Variants in MOB3B observed in about 807,000 individuals in gnomAD.
MOB3B encodes MOB kinase activator-like 2B.
MOB3B carries 7 observed loss-of-function variants against 18.7 expected under a neutral mutation model. That is an observed-to-expected ratio of 0.37 (90% CI 0.21 to 0.70). MOB3B has a LOEUF of 0.70. Ranked by LOEUF, MOB3B falls within the 30% of genes least tolerant of loss-of-function variation. The probability of loss-of-function intolerance (pLI) is 0.52; values close to 1 mark genes in which losing one functional copy is unlikely to be tolerated. For missense variants in MOB3B, 253 were observed against 281.3 expected (o/e 0.90, Z 0.72); for synonymous variants, 111 against 99.9 (o/e 1.11, Z -0.66).
intron 3 of MOB3B, among the ~76,000 whole-genome samples, chr9:27,344,526 C>G (rs1821002564): frequency 1.3e-5 from 2 of 152,194 alleles, no homozygotes; most frequent in Admixed American, 6.5e-5. Flanking sequence ...CACTGAGCAC[C>G]TATGAAGATT....
intron 2 of MOB3B, among the ~76,000 whole-genome samples, chr9:27,365,392 G>A (rs1282683096): frequency 7.5e-6 from 1 of 133,940 alleles, no homozygotes; most frequent in African/African-American, 2.8e-5. Flanking sequence ...TTCAGGTAGT[G>A]AGAGTTAATT....
intron 2 of MOB3B, among the ~76,000 whole-genome samples, chr9:27,451,307 T>A (rs776364077): frequency 2.0e-5 from 3 of 152,222 alleles, no homozygotes; most frequent in Non-Finnish European, 1.5e-5. Context: ...CTTCAGAATT[T>A]ACTGCTCTTT....
In MOB3B at chr9:27,502,732, CTT is replaced by C. The variant is rs989125549; in HGVS notation, c.-199+26821_-199+26822del. Among the ~76,000 whole-genome samples, 61 of 152,350 alleles carry C rather than the reference CTT, an allele frequency of 4.0e-4. 1 individual carries two copies. The highest frequency in any genetic ancestry group is 1.5e-3 in the African/African-American group (61 of 41,574). On this transcript the variant is annotated intron_variant, in intron 1 of 3. Transcript: ENST00000262244. Reference sequence around the variant, plus strand: ...CAGACTTGGTCCTCCAGATGAAAAGCTTTTGTCATGTGGCCTCCAAGCCCTCA... The same window carrying C: ...CAGACTTGGTCCTCCAGATGAAAAGCTTGTCATGTGGCCTCCAAGCCCTCA...
At chr9:27,492,874 A>G (rs1379217116) in intron 1 of MOB3B, among the ~76,000 whole-genome samples, 1 of 152,184 alleles carries the variant, frequency 6.6e-6, no homozygotes, top group Non-Finnish European at 1.5e-5. Flanking sequence ...TGGTTCAGCT[A>G]TTATTTGCTG....
chr9:27,458,422 C>T (rs77508794), intron 1 of MOB3B, among the ~76,000 whole-genome samples: 2,362 of 152,062 alleles, frequency 0.016, 60 homozygotes, highest in African/African-American at 0.053. Flanking sequence ...CTTGCGTGGA[C>T]TGGCACTCGC....
At chr9:27,482,553 A>G (rs1393336358) in intron 1 of MOB3B, among the ~76,000 whole-genome samples, 1 of 152,188 alleles carries the variant, frequency 6.6e-6, no homozygotes, top group Non-Finnish European at 1.5e-5. Flanking sequence ...CCTTACTATG[A>G]GGTAAGGTCT....
chr9:27,429,538 GAAAC>G (rs780380069), intron 2 of MOB3B, among the ~76,000 whole-genome samples: 10 of 152,122 alleles, frequency 6.6e-5, no homozygotes, highest in South Asian at 2.1e-4. Flanking sequence ...TTAAACAGAG[GAAAC>G]AAACAGAGAA....
At chr9:27,376,806 G>A (rs990720080) in intron 2 of MOB3B, among the ~76,000 whole-genome samples, 29 of 152,170 alleles carry the variant, frequency 1.9e-4, no homozygotes, top group African/African-American at 7.0e-4. Flanking sequence ...TCTAACACTT[G>A]GGGACAAGGG....
At chr9:27,399,601 A>T (rs1056900802) in intron 2 of MOB3B, among the ~76,000 whole-genome samples, 2 of 151,898 alleles carry the variant, frequency 1.3e-5, no homozygotes, top group African/African-American at 4.8e-5. Context: ...GGGTCTGGAG[A>T]CCCTTCCATT....
chr9:27,438,853 G>A (rs1319245905), intron 2 of MOB3B, among the ~76,000 whole-genome samples: 2 of 152,128 alleles, frequency 1.3e-5, no homozygotes, highest in Non-Finnish European at 2.9e-5. Context: ...TCAACTCCTT[G>A]AGGGGTGACT....
At chr9:27,490,121 C>T (rs1819793870) in intron 1 of MOB3B, among the ~76,000 whole-genome samples, 1 of 152,120 alleles carries the variant, frequency 6.6e-6, no homozygotes, top group Admixed American at 6.5e-5. Context: ...TGTTCGAGCT[C>T]TCTGTAAAAA....
intron 1 of MOB3B, among the ~76,000 whole-genome samples, chr9:27,520,325 C>T (rs1289944660): frequency 1.6e-4 from 25 of 152,168 alleles, no homozygotes; most frequent in Admixed American, 1.6e-3. Context: ...CTGAGGAAAG[C>T]CTGAACATGT....
intron 2 of MOB3B, among the ~76,000 whole-genome samples, chr9:27,400,975 G>A (rs1480328054): frequency 3.3e-5 from 5 of 152,212 alleles, no homozygotes; most frequent in Non-Finnish European, 7.3e-5. Context: ...TATTTTATCT[G>A]CTTGAGAACT....
intron 1 of MOB3B, among the ~76,000 whole-genome samples, chr9:27,464,892 G>T (rs1221098026): frequency 6.6e-6 from 1 of 152,138 alleles, no homozygotes; most frequent in African/African-American, 2.4e-5. Context: ...TGGCCCCCAT[G>T]ATTCAATTAT....
intron 2 of MOB3B, among the ~76,000 whole-genome samples, chr9:27,414,949 C>A (rs1388463122): frequency 3.3e-5 from 5 of 152,168 alleles, no homozygotes; most frequent in Non-Finnish European, 7.4e-5. Flanking sequence ...ACAACCTCCG[C>A]CTCCGGGGTT....
chr9:27,379,949 G>A (rs762054234), intron 2 of MOB3B, among the ~76,000 whole-genome samples: 2 of 152,174 alleles, frequency 1.3e-5, no homozygotes, highest in African/African-American at 4.8e-5. Flanking sequence ...CGTTAAAAGT[G>A]CTTCCATTCA....
At chr9:27,442,270 C>A (rs1444536) in intron 2 of MOB3B, among the ~76,000 whole-genome samples, 32,318 of 152,048 alleles carry the variant, frequency 0.21, 4,185 homozygotes, top group African/African-American at 0.36. Context: ...TCTGAAACCA[C>A]AGAAAATTTG....
At chr9:27,370,790 G>A (rs928828221) in intron 2 of MOB3B, among the ~76,000 whole-genome samples, 20 of 152,176 alleles carry the variant, frequency 1.3e-4, no homozygotes, top group South Asian at 2.1e-4. Flanking sequence ...TGAGTTGTGC[G>A]GGAGTGGTGA....
chr9:27,365,961 TACA>T (rs1286923884), intron 2 of MOB3B, among the ~76,000 whole-genome samples: 1 of 152,190 alleles, frequency 6.6e-6, no homozygotes, highest in Non-Finnish European at 1.5e-5. Context: ...CAATCACTGA[TACA>T]AGTTTCTAGC....
Sources: gnomAD v4.1 joint callset for allele counts (sites outside exome capture counted in the v4.1 genomes callset) on GRCh38, gnomAD v4.1.1 for gene constraint, MANE v1.5 for transcripts, NCBI Gene and HGNC (gene_info 2026-07-23, HGNC 2026-07-21) for gene names.